ERBB4: variants seen among roughly 807,000 people sequenced by gnomAD.
ERBB4 encodes receptor tyrosine-protein kinase erbB-4.
In ERBB4, 42 loss-of-function variants were observed where a neutral mutation model predicts 158.0. The ratio of observed to expected loss-of-function variants is 0.27; its 90% CI spans 0.21 to 0.34. The LOEUF (loss-of-function observed/expected upper bound fraction) is 0.34, where lower values mean the gene tolerates loss of function less well. Ranked by LOEUF, ERBB4 falls within the 10% of genes least tolerant of loss-of-function variation. The probability of loss-of-function intolerance (pLI) is 1.00; values close to 1 mark genes in which losing one functional copy is unlikely to be tolerated. For synonymous variants in ERBB4, 583 were observed against 558.7 expected, an observed-to-expected ratio of 1.04 and a Z score of -0.61; for missense variants, 1,333 against 1,624.1, an observed-to-expected ratio of 0.82 and a Z score of 3.08.
chr2:211,413,309 AACAC>A (rs36108369), intron 25 of ERBB4, among the ~76,000 whole-genome samples: 1,109 of 94,554 alleles, frequency 0.012, 64 homozygotes, highest in African/African-American at 0.033. Context: ...CTGTCTTAAA[AACAC>A]ACACACACAC....
chr2:211,730,887 G>C (rs1056894358), intron 5 of ERBB4, among the ~76,000 whole-genome samples: 1 of 151,932 alleles, frequency 6.6e-6, no homozygotes, highest in African/African-American at 2.4e-5. Flanking sequence ...GGGAGAAATG[G>C]GAGAAAAAAA....
chr2:211,428,039 A>C (rs772861338), intron 22 of ERBB4, among the ~76,000 whole-genome samples: 1 of 151,746 alleles, frequency 6.6e-6, no homozygotes, highest in Non-Finnish European at 1.5e-5. Flanking sequence ...AGAACATCAC[A>C]CATCGGGGCC....
At chr2:211,402,647 G>A (rs1173813245) in intron 25 of ERBB4, among the ~76,000 whole-genome samples, 1 of 151,870 alleles carries the variant, frequency 6.6e-6, no homozygotes, top group Admixed American at 6.6e-5. Flanking sequence ...GTCAAGAGAA[G>A]AGAGCAAAAA....
At chr2:211,549,864 C>T (rs563596289) in intron 20 of ERBB4, among the ~76,000 whole-genome samples, 4 of 152,164 alleles carry the variant, frequency 2.6e-5, no homozygotes, top group South Asian at 2.1e-4. Context: ...AAATGGAATC[C>T]CTGCTCCTGT....
intron 1 of ERBB4, among the ~76,000 whole-genome samples, chr2:212,376,864 C>T (rs2090340284): frequency 6.6e-6 from 1 of 151,934 alleles, no homozygotes; most frequent in Non-Finnish European, 1.5e-5. Context: ...TTTGAAGTCC[C>T]TTCCCATATG....
chr2:211,550,933 T>C (rs1250679844), intron 20 of ERBB4, among the ~76,000 whole-genome samples: 2 of 150,150 alleles, frequency 1.3e-5, no homozygotes, highest in East Asian at 2.0e-4. Flanking sequence ...CATTATTAGG[T>C]TCCCCCCGAC....
intron 15 of ERBB4, among the ~76,000 whole-genome samples, chr2:211,661,337 A>G (rs563685678): frequency 2.0e-5 from 3 of 152,332 alleles, no homozygotes; most frequent in African/African-American, 7.2e-5. Flanking sequence ...AGAAACACAA[A>G]ACTTTTGAAG....
intron 1 of ERBB4, among the ~76,000 whole-genome samples, chr2:212,455,216 A>G (rs1688219252): frequency 8.1e-6 from 1 of 123,410 alleles, no homozygotes; most frequent in Non-Finnish European, 2.1e-5. Flanking sequence ...CACCTTTCCA[A>G]CAACCTGATC....
At chr2:211,763,156 T>C (rs1365839473) in intron 4 of ERBB4, among the ~76,000 whole-genome samples, 2 of 152,114 alleles carry the variant, frequency 1.3e-5, no homozygotes, top group Admixed American at 6.6e-5. Context: ...AGATAGACTA[T>C]GAATATTCCC....
At chr2:212,323,570 C>T (rs1284098449) in intron 1 of ERBB4, among the ~76,000 whole-genome samples, 1 of 150,250 alleles carries the variant, frequency 6.7e-6, no homozygotes, top group East Asian at 1.9e-4. Context: ...GACTTCACCT[C>T]TCAAAGTTTA....
chr2:212,446,201 T>C (rs1297275334), intron 1 of ERBB4, among the ~76,000 whole-genome samples: 1 of 152,030 alleles, frequency 6.6e-6, no homozygotes, highest in South Asian at 2.1e-4. Flanking sequence ...GTTGGACTTG[T>C]GATGGTTAAT....
chr2:212,382,454 C>A (rs2090536797), intron 1 of ERBB4, among the ~76,000 whole-genome samples: 5 of 150,480 alleles, frequency 3.3e-5, no homozygotes. Flanking sequence ...ATGTAGTATA[C>A]AACTGCATAT....
intron 4 of ERBB4, among the ~76,000 whole-genome samples, chr2:211,765,962 T>C (rs571323178): frequency 1.5e-4 from 23 of 152,340 alleles, no homozygotes; most frequent in African/African-American, 4.8e-4. Flanking sequence ...TTTTGTTTAA[T>C]GAAGCACAGA....
intron 7 of ERBB4, among the ~76,000 whole-genome samples, chr2:211,721,459 A>T (rs1285795990): frequency 6.7e-6 from 1 of 148,988 alleles, no homozygotes; most frequent in Admixed American, 6.7e-5. Flanking sequence ...AAAAAAAAAA[A>T]AAAAAATAGA....
At chr2:212,103,020 A>T (rs1416665997) in intron 2 of ERBB4, among the ~76,000 whole-genome samples, 3 of 152,086 alleles carry the variant, frequency 2.0e-5, no homozygotes, top group Non-Finnish European at 4.4e-5. Context: ...CAGCAATGTT[A>T]TATCTGTCTC....
intron 2 of ERBB4, among the ~76,000 whole-genome samples, chr2:212,054,477 G>T (rs1407115208): frequency 6.6e-6 from 1 of 152,156 alleles, no homozygotes; most frequent in Admixed American, 6.5e-5. Flanking sequence ...AGGGCTGGAA[G>T]GACTGGACAA....
rs2072232542 is a variant in ERBB4 at position 211,679,133 on chromosome 2, C to G, written c.1541G>C (p.Gly514Ala). ...CGACAGACATTGGTCTGGCCCAGGT[C>G]CCCAACAGCCATCACTGGAACACAG... ...NHLCSSDGCW[G>A]PGPDQCLSCR... Residue 514 changes from glycine to alanine, a missense_variant, in exon 13 of 28, where the codon GGA (glycine) becomes GCA (alanine). Gly to Ala is a moderately conservative substitution (Grantham distance 60). This residue lies in a region of ERBB4 where 245 missense variants were observed against 247.5 expected (regional missense o/e 0.99). Transcript: ENST00000342788. The G allele has an allele frequency of 6.2e-7, 1 of 1,613,950 alleles. No homozygotes were observed. Among genetic ancestry groups the G allele is most frequent in the Non-Finnish European group, 8.5e-7 (1 of 1,179,922 alleles).
At chr2:212,320,959 G>A (rs1275452893) in intron 1 of ERBB4, among the ~76,000 whole-genome samples, 1 of 150,014 alleles carries the variant, frequency 6.7e-6, no homozygotes, top group Non-Finnish European at 1.5e-5. Flanking sequence ...TCTTTTTGTT[G>A]TTTTTATATT....
chr2:212,421,154 A>G (rs958946754), intron 1 of ERBB4, among the ~76,000 whole-genome samples: 1 of 152,148 alleles, frequency 6.6e-6, no homozygotes, highest in African/African-American at 2.4e-5. Context: ...AAAGAATTTC[A>G]GTGGAAATTA....
Sources: gnomAD v4.1 joint callset for allele counts (sites outside exome capture counted in the v4.1 genomes callset) on GRCh38, gnomAD v4.1.1 for gene constraint, gnomAD v4.1.1 regional missense constraint, MANE v1.5 for transcripts, NCBI Gene and HGNC (gene_info 2026-07-23, HGNC 2026-07-21) for gene names.